INTS4: variants seen among roughly 807,000 people sequenced by gnomAD.
The protein encoded by INTS4 is MSTP093.
In INTS4, 70 loss-of-function variants were observed where a neutral mutation model predicts 119.5. The observed-to-expected ratio is 0.59, with a 90% CI of 0.48 to 0.71. INTS4 has a LOEUF of 0.71. Among genes scored for constraint, INTS4 ranks in the 30% least tolerant of loss-of-function variants. The pLI, the probability that INTS4 is intolerant of heterozygous loss-of-function variation, is 0.00. For synonymous variants in INTS4, 316 were observed against 419.6 expected, an observed-to-expected ratio of 0.75 and a Z score of 3.02; for missense variants, 867 against 1,173.2, an observed-to-expected ratio of 0.74 and a Z score of 3.81.
chr11:77,899,337 C>T (rs1258751987), intron 18 of INTS4, among the ~76,000 whole-genome samples: 4 of 151,524 alleles, frequency 2.6e-5, no homozygotes, highest in Admixed American at 2.6e-4. Context: ...TCTAGCAAAA[C>T]CTAAGAAAGA....
chr11:77,938,085 G>A (rs1229875662), intron 10 of INTS4, among the ~76,000 whole-genome samples: 1 of 151,844 alleles, frequency 6.6e-6, no homozygotes, highest in Non-Finnish European at 1.5e-5. Flanking sequence ...GGCCTCAAGT[G>A]ATCCTCCAGC....
chr11:77,912,892 A>G (rs764855137), intron 15 of INTS4, among the ~76,000 whole-genome samples: 1 of 152,250 alleles, frequency 6.6e-6, no homozygotes, highest in Non-Finnish European at 1.5e-5. Context: ...TCAACTAAAA[A>G]ATCCCATGTT....
intron 10 of INTS4, among the ~76,000 whole-genome samples, chr11:77,935,060 G>C (rs1188211158): frequency 9.2e-5 from 14 of 152,162 alleles, no homozygotes; most frequent in African/African-American, 9.7e-5. Flanking sequence ...GAAGAGGCTG[G>C]AGTCAATCAT....
At chr11:77,977,064 CTTAAAG>C (rs1218133349) in intron 4 of INTS4, among the ~76,000 whole-genome samples, 2 of 150,672 alleles carry the variant, frequency 1.3e-5, no homozygotes, top group Non-Finnish European at 3.0e-5. Flanking sequence ...TACCCTAAAA[CTTAAAG>C]TATAATAAAA....
chr11:77,918,323 G>A, intron 15 of INTS4: 1 of 474,052 alleles, frequency 2.1e-6, no homozygotes, highest in Non-Finnish European at 3.9e-6. Context: ...TGTGGTCCCA[G>A]CTACTTGGGA....
In INTS4 at chr11:77,883,987, C is replaced by T. The variant is rs751178926; in HGVS notation, c.2593-35G>A. 6 of 1,601,146 alleles carry T rather than the reference C, an allele frequency of 3.7e-6. No individual in the cohort carries two copies. In the East Asian group the frequency reaches 6.7e-5, roughly 18 times the overall value. On this transcript the variant is annotated intron_variant, in intron 21 of 22. Coordinates refer to ENST00000534064, the MANE Select transcript of INTS4 (RefSeq NM_033547.4). ...GACAGAAATGAGAAAAAGGCAGAAG[C>T]GAGAGGAGCATTTAACAAAATGGAT...
At chr11:77,944,611 G>C (rs1198368799) in intron 8 of INTS4, among the ~76,000 whole-genome samples, 1 of 152,164 alleles carries the variant, frequency 6.6e-6, no homozygotes, top group East Asian at 1.9e-4. Context: ...GACAGAAACT[G>C]TCCTCGATGT....
At chr11:77,936,345 T>C (rs1379621225) in intron 10 of INTS4, among the ~76,000 whole-genome samples, 2 of 152,182 alleles carry the variant, frequency 1.3e-5, no homozygotes, top group African/African-American at 4.8e-5. Flanking sequence ...AGATTAAGTA[T>C]GTTAAGAAAG....
intron 4 of INTS4, among the ~76,000 whole-genome samples, chr11:77,962,785 T>C (rs1406351527): frequency 6.6e-6 from 1 of 151,676 alleles, no homozygotes; most frequent in African/African-American, 2.4e-5. Flanking sequence ...TCAAAGTGAG[T>C]CACTAGTGCG....
chr11:77,936,686 T>C (rs902609687), intron 10 of INTS4, among the ~76,000 whole-genome samples: 1 of 152,150 alleles, frequency 6.6e-6, no homozygotes, highest in East Asian at 1.9e-4. Context: ...CATCAGATTA[T>C]ATCTTGCAAC....
At chr11:77,969,306 G>A (rs1057051420) in intron 4 of INTS4, among the ~76,000 whole-genome samples, 2 of 152,010 alleles carry the variant, frequency 1.3e-5, no homozygotes, top group East Asian at 1.9e-4. Flanking sequence ...GAAAACGTAC[G>A]CAATTCTCCC....
At chr11:77,908,955 C>T (rs996937239) in intron 15 of INTS4, among the ~76,000 whole-genome samples, 1 of 152,200 alleles carries the variant, frequency 6.6e-6, no homozygotes, top group African/African-American at 2.4e-5. Context: ...TCCCCAAGCC[C>T]AATTCCAAGT....
chr11:77,884,803 G>A, intron 21 of INTS4: 1 of 404,910 alleles, frequency 2.5e-6, no homozygotes, highest in South Asian at 1.8e-5. Flanking sequence ...CACCCAGGCT[G>A]GAGTGCAGTG....
At chr11:77,946,012 G>A (rs571803376) in intron 8 of INTS4, among the ~76,000 whole-genome samples, 5 of 152,298 alleles carry the variant, frequency 3.3e-5, no homozygotes, top group African/African-American at 9.6e-5. Context: ...GCAGGCCACC[G>A]CGGCAAAGGC....
At chr11:77,891,597 T>C in intron 20 of INTS4, 84 bp downstream of exon 20, 1 of 1,580,720 alleles carries the variant, frequency 6.3e-7, no homozygotes, top group Non-Finnish European at 8.6e-7. Context: ...GCCCAGCTGC[T>C]CCACTGGTCA....
At chr11:77,893,005 CAG>C (rs907743510) in intron 19 of INTS4, among the ~76,000 whole-genome samples, 8 of 152,188 alleles carry the variant, frequency 5.3e-5, no homozygotes, top group African/African-American at 1.9e-4. Flanking sequence ...GTGACAAGTA[CAG>C]AGTCATAAAA....
intron 12 of INTS4, among the ~76,000 whole-genome samples, chr11:77,924,011 C>G (rs147194775): frequency 0.018 from 2,769 of 150,168 alleles, 40 homozygotes; most frequent in Non-Finnish European, 0.03. Context: ...GTGATCCACC[C>G]GCCCCAGCCT....
intron 4 of INTS4, among the ~76,000 whole-genome samples, chr11:77,977,148 A>G (rs1477708611): frequency 1.3e-5 from 2 of 152,180 alleles, no homozygotes; most frequent in African/African-American, 4.8e-5. Flanking sequence ...TCAATTAGTA[A>G]TTTAGTAATT....
intron 4 of INTS4, among the ~76,000 whole-genome samples, chr11:77,975,994 A>C (rs181916572): frequency 2.3e-3 from 352 of 152,050 alleles, no homozygotes; most frequent in African/African-American, 7.2e-3. Flanking sequence ...ATTTAAAAAA[A>C]ACACACACAC....
Sources: allele counts gnomAD v4.1 joint callset (sites outside exome capture counted in the v4.1 genomes callset), GRCh38; gene constraint gnomAD v4.1.1; transcripts MANE v1.5; gene names NCBI Gene and HGNC (gene_info 2026-07-23, HGNC 2026-07-21).